B4GALNT4: variants seen among roughly 807,000 people sequenced by gnomAD.
The protein encoded by B4GALNT4 is beta-1,4-N-acetyl-galactosaminyltransferase 4.
A neutral mutation model predicts 110.0 loss-of-function variants in B4GALNT4; 77 were observed. That is an observed-to-expected ratio of 0.70 (90% confidence interval 0.58 to 0.85). The LOEUF (loss-of-function observed/expected upper bound fraction) is 0.85. B4GALNT4 is among the 40% of genes least tolerant of loss of function. The probability of loss-of-function intolerance (pLI) is 0.00; values close to 1 mark genes in which losing one functional copy is unlikely to be tolerated. For synonymous variants in B4GALNT4, 785 were observed against 655.5 expected, an observed-to-expected ratio of 1.20 and a Z score of -3.02; for missense variants, 1,575 against 1,506.0, an observed-to-expected ratio of 1.05 and a Z score of -0.76.
chr11:380,276 C>T lies in B4GALNT4; in HGVS notation c.2716-16C>T, dbSNP rs753124030. The T allele has an allele frequency of 5.0e-6, 8 of 1,611,958 alleles. No homozygotes were observed. Among genetic ancestry groups the T allele is most frequent in the East Asian group, 4.5e-5 (2 of 44,820 alleles). On this transcript the variant is annotated splice_polypyrimidine_tract_variant and intron_variant, in intron 17 of 19. Transcript: ENST00000329962. ...GAGGAGCGGAGGGCGGGGCTCAGAC[C>T]TCCCGCACCCCCCAGGACGCCAGCA... is the stretch of plus-strand genomic sequence containing the variant.
At chr11:372,623 C>A (rs967018173) in intron 2 of B4GALNT4, 39 bp from the exon 3 acceptor site, 1 of 1,550,144 alleles carries the variant, frequency 6.5e-7, no homozygotes, top group East Asian at 2.3e-5. Context: ...TCCTCCCTGC[C>A]CTTCCAACCC....
rs1407515498 is a variant in B4GALNT4, at chr11:372,094, A to G, written c.152-15A>G. 6.5e-7 allele frequency: 1 copy of G among 1,546,650 alleles called. No individual in the cohort carries two copies. The highest frequency in any genetic ancestry group is 8.7e-7 in the Non-Finnish European group (1 of 1,144,970). ...AGAGCCTGGGCCCGAGACAGGCCTC[A>G]TGTGCCACCTGCAGATGGTGAGAAG... On this transcript the variant is annotated splice_polypyrimidine_tract_variant and intron_variant, in intron 1 of 19. Transcript: ENST00000329962.
intron 14 of B4GALNT4, among the ~76,000 whole-genome samples, chr11:378,138 T>C (rs1422849845): frequency 6.7e-6 from 1 of 150,262 alleles, no homozygotes. Flanking sequence ...ATGTGTGTGA[T>C]GGAAGGTTGC....
chr11:373,422 C>A, intron 6 of B4GALNT4, 27 bp from the exon 7 acceptor site: 5 of 1,351,794 alleles, frequency 3.7e-6, no homozygotes, highest in Non-Finnish European at 5.2e-6. Flanking sequence ...CCCCCCCCAC[C>A]ACCACCCCTG....
In B4GALNT4 at chr11:380,119, GC is replaced by G. The variant is rs1258109754; in HGVS notation, c.2643-8del. The G allele has an allele frequency of 1.9e-6, 3 of 1,597,822 alleles. No homozygotes were observed. The African/African-American group carries it at 4.0e-5, about 21-fold the overall frequency. Reference sequence around the variant, plus strand: ...CCCCCAGAGATCGTGCCTGTGACTCGCCCTCCCCAGGTACCAGTACCTGAGA... The same window carrying G: ...CCCCCAGAGATCGTGCCTGTGACTCGCCTCCCCAGGTACCAGTACCTGAGA... On this transcript the variant is annotated splice_polypyrimidine_tract_variant and intron_variant, in intron 16 of 19. Transcript: ENST00000329962.
Position 372,765 on chromosome 11 carries a change from T to A in B4GALNT4, c.348+11T>A. The A allele has an allele frequency of 1.4e-6, 2 of 1,420,146 alleles. No homozygotes were observed. The highest frequency in any genetic ancestry group is 2.3e-5 in the South Asian group (2 of 85,734). The allele number at this position is 1,420,146 out of a possible 1,614,324, so 88.0% of individuals were successfully genotyped here. The stretch of plus-strand genomic sequence containing the variant: ...CCATGGCGGGAGGAGGTGAGCTGGC[T>A]CGGCCTGTAATGGGCTGGGAGGCAG... On this transcript the variant is annotated intron_variant, in intron 3 of 19. Coordinates refer to ENST00000329962, the MANE Select transcript of B4GALNT4 (RefSeq NM_178537.5).
At position 372,134 on chromosome 11, in the gene B4GALNT4, C is replaced by G; in HGVS notation, c.177C>G (p.Thr59=). The change falls in exon 2 of 20, where the codon ACC becomes ACG. Residue 59 remains threonine (T), a synonymous_variant. Coordinates refer to ENST00000329962, the MANE Select transcript of B4GALNT4 (RefSeq NM_178537.5). Reference sequence around the variant, plus strand: ...ATGGTGAGAAGCTGACCAGTGAGACCGACGGCCGGGGGGTCCACGCTGCGC... The same window carrying G: ...ATGGTGAGAAGCTGACCAGTGAGACGGACGGCCGGGGGGTCCACGCTGCGC... ...GRDGEKLTSE[T]DGRGVHAAPS... 1.9e-6 allele frequency: 3 copies of G among 1,549,624 alleles called. No homozygotes were observed. The highest frequency in any genetic ancestry group is 2.6e-6 in the Non-Finnish European group (3 of 1,146,818).
chr11:375,606 T>C lies in B4GALNT4; in HGVS notation c.851-33T>C, dbSNP rs768166233. The C allele has an allele frequency of 4.4e-6, 7 of 1,596,498 alleles. No homozygotes were observed. The South Asian group carries it at 6.6e-5, about 15-fold the overall frequency. On this transcript the variant is annotated intron_variant, in intron 9 of 19. Coordinates refer to ENST00000329962, the MANE Select transcript of B4GALNT4 (RefSeq NM_178537.5). Reference sequence around the variant, plus strand: ...TGAGTGGGAAGAGTGGAGGAGGGGGTCTGAGCACTCCCTGGAACTCTTCTG... The same window carrying C: ...TGAGTGGGAAGAGTGGAGGAGGGGGCCTGAGCACTCCCTGGAACTCTTCTG...
At position 376,950 on chromosome 11, in the gene B4GALNT4, T is replaced by G; in HGVS notation, c.1827T>G (p.Pro609=). ...GREGQARTLG[P]AAPTVDSNLS... is the part of the protein sequence containing the mutation. ...AGGGCCAGGCGCGCACGCTGGGACCTGCGGCGCCCACAGTGGACTCAAACT... is the reference window on the plus strand; with the variant it reads ...AGGGCCAGGCGCGCACGCTGGGACCGGCGGCGCCCACAGTGGACTCAAACT... The change falls in exon 14 of 20, where the codon CCT becomes CCG. Residue 609 remains proline (P), a synonymous_variant. Transcript: ENST00000329962. 1 of 1,445,460 alleles carries G rather than the reference T, an allele frequency of 6.9e-7. No homozygotes were observed. The highest frequency in any genetic ancestry group is 9.1e-7 in the Non-Finnish European group (1 of 1,104,604). The allele number at this position is 1,445,460 out of a possible 1,614,324, so 89.5% of individuals were successfully genotyped here. A position where few individuals can be genotyped will look rare whatever the true frequency, so the allele number is the denominator to read the frequency against.
rs1232761584 is a variant in B4GALNT4 at position 381,803 on chromosome 11, C to T, written c.*11C>T. The T allele has an allele frequency of 1.9e-6, 3 of 1,562,732 alleles. No individual in the cohort carries two copies. The highest frequency in any genetic ancestry group is 2.6e-6 in the Non-Finnish European group (3 of 1,159,788). ...ACGGGGGCGTCTTGAGGACGGGCAG[C>T]CCCTCCCAGCCCCGGTGGGAGTCCC... On this transcript the variant is annotated 3_prime_UTR_variant, in exon 20 of 20. Transcript: ENST00000329962.
Position 377,153 on chromosome 11 carries a change from A to T in B4GALNT4, c.2030A>T (p.Glu677Val). Residue 677 changes from glutamate (E) to valine (V), a missense_variant, in exon 14 of 20, where the codon GAG (glutamate) becomes GTG (valine). Physicochemically the swap from Glu to Val is moderately radical, Grantham distance 121. Transcript: ENST00000329962. The stretch of plus-strand genomic sequence containing the variant: ...GGCCCGGCGCTCGGACGCTGGCGTG[A>T]GGACGCCATCGACTGGCAGCGCACG... Reference protein sequence around the residue: ...AAGPALGRWREDAIDWQRTFS... With the variant: ...AAGPALGRWRVDAIDWQRTFS... 6.5e-7 allele frequency: 1 copy of T among 1,547,272 alleles called. No homozygotes were observed. Among genetic ancestry groups the T allele is most frequent in the Non-Finnish European group, 8.7e-7 (1 of 1,148,184 alleles).
Position 377,154 on chromosome 11 carries a change from G to C in B4GALNT4, c.2031G>C (p.Glu677Asp), listed in dbSNP as rs776586186. ...GCCCGGCGCTCGGACGCTGGCGTGA[G>C]GACGCCATCGACTGGCAGCGCACGT... ...AAGPALGRWR[E>D]DAIDWQRTFS... Residue 677 changes from glutamate (E) to aspartate (D), a missense_variant, in exon 14 of 20, where the codon GAG becomes GAC. Physicochemically the swap from Glu to Asp is conservative, Grantham distance 45. Coordinates refer to ENST00000329962, the MANE Select transcript of B4GALNT4 (RefSeq NM_178537.5). The C allele has an allele frequency of 2.6e-6, 4 of 1,551,764 alleles. No homozygotes were observed. Among genetic ancestry groups the C allele is most frequent in the Non-Finnish European group, 3.5e-6 (4 of 1,150,018 alleles).
At position 375,298 on chromosome 11, in the gene B4GALNT4, G is replaced by C. The variant is rs146853454; in HGVS notation, c.784-163G>C. Reference sequence around the variant, plus strand: ...CTGGGCTTCCTTCCCCAGCTTCCCTGCTGCCCCTTCTTGGAACGCCCCGGA... The same window carrying C: ...CTGGGCTTCCTTCCCCAGCTTCCCTCCTGCCCCTTCTTGGAACGCCCCGGA... On this transcript the variant is annotated intron_variant, in intron 8 of 19. Coordinates refer to ENST00000329962, the MANE Select transcript of B4GALNT4 (RefSeq NM_178537.5). Among the ~76,000 whole-genome samples the C allele has an allele frequency of 1.1e-3, 167 of 152,020 alleles. 1 individual carries two copies. Among genetic ancestry groups the C allele is most frequent in the Non-Finnish European group, 2.0e-3 (138 of 67,924 alleles).
Position 380,070 on chromosome 11 carries a change from G to A in B4GALNT4, c.2642+51G>A, listed in dbSNP as rs570006011. ...CGGACCCAGCGCAGCTTTCCTCCCC[G>A]GGAGATGGGTTTTCCTGACCCCACC... On this transcript the variant is annotated intron_variant, in intron 16 of 19. Transcript: ENST00000329962. 1.9e-5 allele frequency: 31 copies of A among 1,597,318 alleles called. No individual in the cohort carries two copies. In the East Asian group the frequency reaches 6.3e-4, roughly 32 times the overall value.
In B4GALNT4 at chr11:375,825, C is replaced by G. The variant is rs781058260; in HGVS notation, c.986-22C>G. 2.4e-5 allele frequency: 39 copies of G among 1,605,574 alleles called. 1 individual carries two copies. The South Asian group carries it at 4.3e-4, about 18-fold the overall frequency. ...GGGCGGGGGTGCCTGCCCCAGCCAC[C>G]CTGTGACCGCACCTCCTGCAGCTCC... On this transcript the variant is annotated intron_variant, in intron 10 of 19. Transcript: ENST00000329962.
In B4GALNT4 at chr11:375,711, C is replaced by G; in HGVS notation, c.923C>G (p.Pro308Arg). The G allele has an allele frequency of 6.3e-7, 1 of 1,594,708 alleles. No individual in the cohort carries two copies. Among genetic ancestry groups the G allele is most frequent in the Non-Finnish European group, 8.5e-7 (1 of 1,175,034 alleles). ...QSPASHVGGR[P>R]PQEETSADML... is the part of the protein sequence containing the mutation. The stretch of plus-strand genomic sequence containing the variant: ...CCAGCCAGCCACGTGGGGGGGCGTC[C>G]GCCGCAGGAGGAGACCAGCGCAGAC... Residue 308 changes from proline to arginine, a missense_variant, in exon 10 of 20, where the codon CCG becomes CGG. Physicochemically the swap from Pro to Arg is moderately radical, Grantham distance 103. Transcript: ENST00000329962.
Position 372,222 on chromosome 11 carries a change from G to A in B4GALNT4, c.255+10G>A. 6.5e-7 allele frequency: 1 copy of A among 1,549,416 alleles called. No individual in the cohort carries two copies. Among genetic ancestry groups the A allele is most frequent in the Non-Finnish European group, 8.7e-7 (1 of 1,146,174 alleles). ...TGAAGAGGAGCAAGCGGTGAGCAGA[G>A]CCCTGGGGAGAACACGTGTGCACGG... On this transcript the variant is annotated intron_variant, in intron 2 of 19. Coordinates refer to ENST00000329962, the MANE Select transcript of B4GALNT4 (RefSeq NM_178537.5).
intron 14 of B4GALNT4, among the ~76,000 whole-genome samples, chr11:378,669 G>A (rs1037275022): frequency 3.9e-5 from 6 of 152,186 alleles, no homozygotes; most frequent in African/African-American, 1.4e-4. Flanking sequence ...TCTAGGGCAG[G>A]GTCCTGTTTT....
intron 14 of B4GALNT4, among the ~76,000 whole-genome samples, chr11:378,065 G>A (rs1448824258): frequency 6.6e-6 from 1 of 152,140 alleles, no homozygotes; most frequent in Non-Finnish European, 1.5e-5. Context: ...TGTGCGTGAT[G>A]GAAGGTTGCG....
Sources: gnomAD v4.1 joint callset for allele counts (sites outside exome capture counted in the v4.1 genomes callset) on GRCh38, gnomAD v4.1.1 for gene constraint, MANE v1.5 for transcripts, NCBI Gene and HGNC (gene_info 2026-07-23, HGNC 2026-07-21) for gene names.